Variants in LITAF observed in about 807,000 individuals in gnomAD.
LITAF encodes lipopolysaccharide-induced tumor necrosis factor-alpha factor.
Under a neutral mutation model 14.5 loss-of-function variants are expected in LITAF, and 9 were observed. The ratio of observed to expected loss-of-function variants is 0.62; its 90% CI spans 0.37 to 1.08. The LOEUF is 1.08. Ranked by LOEUF, LITAF falls within the 50% of genes least tolerant of loss-of-function variation. LITAF has a pLI of 0.01. For missense variants in LITAF, 206 were observed against 213.4 expected, an observed-to-expected ratio of 0.97 and a Z score of 0.22; for synonymous variants, 98 against 88.2, an observed-to-expected ratio of 1.11 and a Z score of -0.62.
chr16:11,638,092 CTATCTATATATATA>C (rs1432329597), upstream of LITAF, among the ~76,000 whole-genome samples: 3 of 65,468 alleles, frequency 4.6e-5, 1 homozygote, highest in Non-Finnish European at 8.0e-5. Context: ...ATCTATCTAT[CTATCTATATATATA>C]TATCTATCTA....
chr16:11,608,734 A>G (rs2141874911), intron 3 of LITAF, among the ~76,000 whole-genome samples: 1 of 152,284 alleles, frequency 6.6e-6, no homozygotes, highest in African/African-American at 2.4e-5. Context: ...AGGCCGAGGC[A>G]GGTGGATCAT....
At chr16:11,550,680 G>C (rs2064169162) in intron 3 of LITAF, among the ~76,000 whole-genome samples, 1 of 152,048 alleles carries the variant, frequency 6.6e-6, no homozygotes, top group Non-Finnish European at 1.5e-5. Flanking sequence ...TGTTTTTGTA[G>C]AGATGGGGTC....
At chr16:11,569,773 C>A (rs141581848) in intron 1 of LITAF, among the ~76,000 whole-genome samples, 1,570 of 152,304 alleles carry the variant, frequency 0.01, 8 homozygotes, top group Middle Eastern at 0.027. Flanking sequence ...TGGCTCACGC[C>A]TGTAATCCCA....
In LITAF at chr16:11,556,646, C is replaced by T. The variant is rs767809270; in HGVS notation, c.85G>A (p.Val29Ile). The change falls in exon 2 of 4, where the codon GTT becomes ATT. Residue 29 changes from valine to isoleucine, a missense_variant. Val to Ile is a conservative substitution (Grantham distance 29). Coordinates refer to ENST00000622633, the MANE Select transcript of LITAF (RefSeq NM_001136472.2). The stretch of plus-strand genomic sequence containing the variant: ...GGAGGTGTGGGGTAATAACTGTTAA[C>T]AGCCACTGTCTCTTCATAGGATGGA... ...APPSYEETVA[V>I]NSYYPTPPAP... 21 of 1,614,208 alleles carry T rather than the reference C, an allele frequency of 1.3e-5. No individual in the cohort carries two copies. The highest frequency in any genetic ancestry group is 1.6e-4 in the Middle Eastern group (1 of 6,062).
chr16:11,581,720 T>TA (rs1298371025), intron 1 of LITAF, among the ~76,000 whole-genome samples: 1 of 151,660 alleles, frequency 6.6e-6, no homozygotes, highest in Non-Finnish European at 1.5e-5. Flanking sequence ...AGGTGAAAAA[T>TA]AAAAAATAAA....
chr16:11,585,905 T>G (rs535371341), intron 1 of LITAF, among the ~76,000 whole-genome samples: 1 of 152,202 alleles, frequency 6.6e-6, no homozygotes, highest in East Asian at 1.9e-4. Context: ...TGTCGGGAAG[T>G]AGAAAACCAG....
At chr16:11,615,915 A>G (rs1305030676) in intron 3 of LITAF, among the ~76,000 whole-genome samples, 1 of 152,090 alleles carries the variant, frequency 6.6e-6, no homozygotes, top group Non-Finnish European at 1.5e-5. Context: ...GGTTCAGTTC[A>G]CCCACTCCTC....
chr16:11,634,598 G>T lies in LITAF; in HGVS notation c.-20-961C>A, dbSNP rs1215897453. Among the ~76,000 whole-genome samples the T allele has an allele frequency of 6.6e-6, 1 of 152,130 alleles. No homozygotes were observed. The highest frequency in any genetic ancestry group is 1.5e-5 in the Non-Finnish European group (1 of 68,040). Reference sequence around the variant, plus strand: ...TTTTGCATTTCTGACGATCCACTGAGGACTCAGTGCACATGAGGACCATTT... The same window carrying T: ...TTTTGCATTTCTGACGATCCACTGATGACTCAGTGCACATGAGGACCATTT... On this transcript the variant is annotated intron_variant, in intron 2 of 3. Transcript: ENST00000574848. The surrounding 1 kb of genome is among the most constrained non-coding windows in gnomAD (Gnocchi z 4.1).
upstream of LITAF, among the ~76,000 whole-genome samples, chr16:11,602,436 T>C (rs947838508): frequency 6.6e-6 from 1 of 152,154 alleles, no homozygotes; most frequent in African/African-American, 2.4e-5. Flanking sequence ...GGAAATGTTA[T>C]GGAAAGCAGG....
rs374757371 is a variant in LITAF, at chr16:11,568,673, G to GTTT, written c.-5-11941_-5-11939dup. On this transcript the variant is annotated intron_variant, in intron 1 of 3. Transcript: ENST00000622633. ...CTTGTGACACTGAAGGTACACCCTT[G>GTTT]TTTTTTTTTGTTTTTTTTTTTTTTG... is the stretch of plus-strand genomic sequence containing the variant. Among the ~76,000 whole-genome samples, 1,023 of 116,078 alleles carry GTTT rather than the reference G, an allele frequency of 8.8e-3. 33 individuals carry two copies. The highest frequency in any genetic ancestry group is 0.013 in the Non-Finnish European group (747 of 56,730). The allele number at this position is 116,078 out of a possible 152,430, so 76.2% of individuals were successfully genotyped here. A position where few individuals can be genotyped will look rare whatever the true frequency, so the allele number is the denominator to read the frequency against.
intron 1 of LITAF, among the ~76,000 whole-genome samples, chr16:11,578,477 G>T (rs540532550): frequency 3.9e-5 from 6 of 152,286 alleles, no homozygotes; most frequent in African/African-American, 1.2e-4. Context: ...GTTGCAGCGA[G>T]CCAAGATCGC....
intron 1 of LITAF, among the ~76,000 whole-genome samples, chr16:11,573,676 G>C (rs1001683003): frequency 6.9e-6 from 1 of 145,664 alleles, no homozygotes; most frequent in African/African-American, 2.5e-5. Context: ...GCCACCATTT[G>C]TGTATGGTGA....
At chr16:11,623,555 G>C (rs1014958041) in intron 3 of LITAF, among the ~76,000 whole-genome samples, 2 of 151,962 alleles carry the variant, frequency 1.3e-5, no homozygotes, top group Non-Finnish European at 2.9e-5. Flanking sequence ...AGCTACTCAG[G>C]AGGCTAAGGC....
At position 11,553,602 on chromosome 16, in the gene LITAF, A is replaced by G. The variant is rs757901717; in HGVS notation, c.308T>C (p.Ile103Thr). ...QMCCPSCNKMIVSQLSYNAGA... is the reference protein window; with the variant it reads ...QMCCPSCNKMTVSQLSYNAGA... ...GGCGTTATAGGACAGCTGACTCACG[A>G]TCATCTTGTTGCAGGAAGGACAACA... The change falls in exon 3 of 4, where the codon ATC (isoleucine) becomes ACC (threonine). Residue 103 changes from isoleucine (I) to threonine (T), a missense_variant. Ile to Thr is a moderately conservative substitution (Grantham distance 89). Coordinates refer to ENST00000622633, the MANE Select transcript of LITAF (RefSeq NM_001136472.2). This position sits in a 1 kb window ranked among gnomAD's most constrained non-coding sequence, Gnocchi z 7.7. The G allele has an allele frequency of 6.2e-6, 10 of 1,614,112 alleles. No individual in the cohort carries two copies. Among genetic ancestry groups the G allele is most frequent in the Non-Finnish European group, 8.5e-6 (10 of 1,180,020 alleles).
At chr16:11,555,302 T>C (rs2064250986) in intron 2 of LITAF, among the ~76,000 whole-genome samples, 1 of 152,214 alleles carries the variant, frequency 6.6e-6, no homozygotes, top group African/African-American at 2.4e-5. Flanking sequence ...TAGCTAGGAT[T>C]ACAGGCGCAA....
At chr16:11,554,922 AAATG>A (rs750467237) in intron 2 of LITAF, among the ~76,000 whole-genome samples, 16 of 152,330 alleles carry the variant, frequency 1.1e-4, no homozygotes, top group Admixed American at 8.5e-4. Flanking sequence ...TTTATATAAC[AAATG>A]AATTAGGGGG....
intron 1 of LITAF, among the ~76,000 whole-genome samples, chr16:11,570,273 T>TAAGCAGGTTAC (rs1274096368): frequency 4.6e-5 from 7 of 152,146 alleles, no homozygotes; most frequent in Non-Finnish European, 8.8e-5. Flanking sequence ...GAACATTGGG[T>TAAGCAGGTTAC]AAGCAGGTTA....
chr16:11,587,378 G>A (rs1167871574), upstream of LITAF: 1 of 453,830 alleles, frequency 2.2e-6, no homozygotes, highest in Non-Finnish European at 4.4e-6. Flanking sequence ...CGGCCCTCTG[G>A]AGGGCGGCCC....
rs1555469756 is a variant in LITAF, at chr16:11,576,554, A to AAAAAAAAAAAAAAAAAAAAAAAAAAGAC, written c.-6+10331_-6+10332insGTCTTTTTTTTTTTTTTTTTTTTTTTTT. On this transcript the variant is annotated intron_variant, in intron 1 of 3. Coordinates refer to ENST00000622633, the MANE Select transcript of LITAF (RefSeq NM_001136472.2). ...ATCTGCAAAAAAAAAAAAAAAAAAAAAGAGAGAGAGAAAGAGAAAAAGAGA... is the reference window on the plus strand; with the variant it reads ...ATCTGCAAAAAAAAAAAAAAAAAAAAAAAAAAAAAAAAAAAAAAAAAAAAAGACAGAGAGAGAGAAAGAGAAAAAGAGA... Among the ~76,000 whole-genome samples, 26 of 116,650 alleles carry AAAAAAAAAAAAAAAAAAAAAAAAAAGAC rather than the reference A, an allele frequency of 2.2e-4. 1 individual carries two copies. Among genetic ancestry groups the AAAAAAAAAAAAAAAAAAAAAAAAAAGAC allele is most frequent in the African/African-American group, 7.7e-4 (23 of 29,942 alleles). The allele number at this position is 116,650 out of a possible 152,430, so 76.5% of individuals were successfully genotyped here. A position where few individuals can be genotyped will look rare whatever the true frequency, so the allele number is the denominator to read the frequency against.
Sources: gnomAD v4.1 joint callset for allele counts (sites outside exome capture counted in the v4.1 genomes callset) on GRCh38, gnomAD v4.1.1 for gene constraint, Gnocchi (gnomAD v3.1) non-coding constraint, MANE v1.5 for transcripts, NCBI Gene and HGNC (gene_info 2026-07-23, HGNC 2026-07-21) for gene names.